The following ARK2N variants were observed in gnomAD, a reference collection of about 807,000 sequenced individuals.
ARK2N encodes protein ARK2N.
the ARK2N span, among the ~76,000 whole-genome samples, chr18:46,177,431 C>CTTT: frequency 4.5e-5 from 4 of 89,320 alleles, no homozygotes; most frequent in Admixed American, 1.3e-4. Context: ...TTTTTCTTTA[C>CTTT]TTTTTTTTTT....
At chr18:46,232,876 T>C in the ARK2N span, 2 of 152,204 alleles carry the variant, frequency 1.3e-5, no homozygotes, top group Admixed American at 1.3e-4. Flanking sequence ...TTTCTTAATA[T>C]CCTTTTCCTC....
chr18:46,234,180 T>A, the ARK2N span, among the ~76,000 whole-genome samples: 1 of 152,186 alleles, frequency 6.6e-6, no homozygotes. Flanking sequence ...AAGCGATGAT[T>A]GGTATTTTTA....
the ARK2N span, among the ~76,000 whole-genome samples, chr18:46,249,286 G>C: frequency 6.6e-6 from 1 of 152,060 alleles, no homozygotes; most frequent in Non-Finnish European, 1.5e-5. Flanking sequence ...CTGGAGTGCA[G>C]CGGCGCCATC....
the ARK2N span, among the ~76,000 whole-genome samples, chr18:46,214,024 T>TC: frequency 1.3e-5 from 2 of 152,126 alleles, no homozygotes; most frequent in African/African-American, 4.8e-5. Context: ...AACAGATGTT[T>TC]CAGTGGCCAT....
chr18:46,223,273 A>G, the ARK2N span, among the ~76,000 whole-genome samples: 1 of 152,216 alleles, frequency 6.6e-6, no homozygotes, highest in Non-Finnish European at 1.5e-5. Context: ...GGGGAAAGGT[A>G]TGTCCTTCTT....
At chr18:46,259,020 T>TA in the ARK2N span, among the ~76,000 whole-genome samples, 26 of 150,892 alleles carry the variant, frequency 1.7e-4, no homozygotes, top group Admixed American at 5.9e-4. Context: ...CCTCTGTAGT[T>TA]AAAAAAAAAT....
chr18:46,246,741 G>A, the ARK2N span, among the ~76,000 whole-genome samples: 3 of 152,130 alleles, frequency 2.0e-5, no homozygotes, highest in African/African-American at 4.8e-5. Context: ...TCAGGAGTTC[G>A]AGACCAGCCT....
chr18:46,183,488 G>C, the ARK2N span, among the ~76,000 whole-genome samples: 1 of 152,184 alleles, frequency 6.6e-6, no homozygotes, highest in Admixed American at 6.6e-5. Context: ...TGTGATGTTA[G>C]TAGCTGTTGG....
the ARK2N span, among the ~76,000 whole-genome samples, chr18:46,194,339 G>A: frequency 3.9e-5 from 6 of 151,918 alleles, no homozygotes; most frequent in South Asian, 6.2e-4. Flanking sequence ...GGGGGCTCAC[G>A]CCTGTAATCC....
At chr18:46,253,581 G>C in the ARK2N span, 1 of 1,320,076 alleles carries the variant, frequency 7.6e-7, no homozygotes, top group Non-Finnish European at 1.0e-6. Flanking sequence ...AGCTCTCACA[G>C]GGTGATTCTG....
the ARK2N span, among the ~76,000 whole-genome samples, chr18:46,184,701 G>C: frequency 2.2e-4 from 34 of 152,246 alleles, no homozygotes; most frequent in African/African-American, 7.9e-4. Flanking sequence ...CAGCCTGGGT[G>C]ATAGAAGTGA....
chr18:46,195,266 C>CTT, the ARK2N span, among the ~76,000 whole-genome samples: 30 of 94,482 alleles, frequency 3.2e-4, no homozygotes, highest in East Asian at 1.1e-3. Context: ...TTTATTTAAC[C>CTT]TTTTTTTTTT....
At chr18:46,200,066 TTGTGTG>T in the ARK2N span, among the ~76,000 whole-genome samples, 2 of 150,086 alleles carry the variant, frequency 1.3e-5, no homozygotes, top group Admixed American at 1.3e-4. Context: ...AAATTCTTTA[TTGTGTG>T]TGTGTGTGTG....
chr18:46,208,275 C>CA, the ARK2N span, among the ~76,000 whole-genome samples: 3 of 152,058 alleles, frequency 2.0e-5, no homozygotes, highest in Non-Finnish European at 2.9e-5. Context: ...TTGCTTTATG[C>CA]TTTAAGAAAT....
At chr18:46,229,390 C>T in the ARK2N span, among the ~76,000 whole-genome samples, 3 of 152,132 alleles carry the variant, frequency 2.0e-5, no homozygotes, top group Admixed American at 2.0e-4. Context: ...CTCTGTCGTC[C>T]AGGCTGGAGT....
chr18:46,208,619 G>A, the ARK2N span, among the ~76,000 whole-genome samples: 1 of 151,998 alleles, frequency 6.6e-6, no homozygotes, highest in South Asian at 2.1e-4. Context: ...ACAGGCATGT[G>A]CCACCATGCC....
At chr18:46,244,582 A>G in the ARK2N span, among the ~76,000 whole-genome samples, 1 of 143,942 alleles carries the variant, frequency 6.9e-6, no homozygotes, top group Non-Finnish European at 1.5e-5. Flanking sequence ...TCTGCATCAA[A>G]TTGATGGTAA....
the ARK2N span, among the ~76,000 whole-genome samples, chr18:46,204,597 C>T: frequency 1.3e-5 from 2 of 152,176 alleles, no homozygotes; most frequent in Non-Finnish European, 2.9e-5. Flanking sequence ...TTAACTGGTT[C>T]ATGTAGACCG....
the ARK2N span, among the ~76,000 whole-genome samples, chr18:46,182,736 A>T: frequency 1.2e-5 from 1 of 83,652 alleles, no homozygotes; most frequent in Admixed American, 1.7e-4. Context: ...TTCTTACTTG[A>T]TGCTAGTTTA....
Sources: gnomAD v4.1 joint callset for allele counts (sites outside exome capture counted in the v4.1 genomes callset) on GRCh38, gnomAD v4.1.1 for gene constraint, MANE v1.5 for transcripts, NCBI Gene and HGNC (gene_info 2026-07-23, HGNC 2026-07-21) for gene names.